The following INO80E variants were observed in gnomAD, a reference collection of about 807,000 sequenced individuals.
The protein encoded by INO80E is coiled-coil domain containing 95.
Under a neutral mutation model 27.3 loss-of-function variants are expected in INO80E, and 20 were observed. The observed-to-expected ratio is 0.73, with a 90% CI of 0.51 to 1.06. The LOEUF (loss-of-function observed/expected upper bound fraction) is 1.06. INO80E is among the 50% of genes least tolerant of loss of function. The pLI, the probability that INO80E is intolerant of heterozygous loss-of-function variation, is 0.00. For synonymous variants in INO80E, 167 were observed against 145.9 expected, an observed-to-expected ratio of 1.14 and a Z score of -1.04; for missense variants, 357 against 322.8, an observed-to-expected ratio of 1.11 and a Z score of -0.81.
intron 3 of INO80E, among the ~76,000 whole-genome samples, chr16:29,997,064 G>T (rs181842632): frequency 6.6e-6 from 1 of 152,314 alleles, no homozygotes; most frequent in Admixed American, 6.5e-5. Flanking sequence ...TTGGCACAGG[G>T]GATACAGCAG....
rs940200059 is a variant in INO80E, at chr16:29,996,286, T to C, written c.-25T>C. ...TGCTTGGGGTAGCGGGAGGGCAGAC[T>C]CTGGGCGCCACTCCCGGGCCGGTCA... On this transcript the variant is annotated 5_prime_UTR_variant, in exon 1 of 7. Coordinates refer to ENST00000563197, the MANE Select transcript of INO80E (RefSeq NM_173618.3). The C allele has an allele frequency of 3.8e-6, 6 of 1,568,108 alleles. No individual in the cohort carries two copies. In the African/African-American group the frequency reaches 6.8e-5, roughly 18 times the overall value.
intron 6 of INO80E, chr16:30,002,070 C>T (rs1368548255): frequency 6.5e-6 from 1 of 152,826 alleles, no homozygotes; most frequent in African/African-American, 2.4e-5. Context: ...GCAAGATAGG[C>T]AGAAAACACA....
chr16:30,001,594 C>A, intron 6 of INO80E, 64 bp downstream of exon 6: 1 of 1,491,390 alleles, frequency 6.7e-7, no homozygotes. Context: ...CTGAGGGAGG[C>A]TGAAGGCGGG....
At chr16:29,997,340 C>T (rs2070167728) in intron 3 of INO80E, among the ~76,000 whole-genome samples, 2 of 152,076 alleles carry the variant, frequency 1.3e-5, no homozygotes, top group Non-Finnish European at 2.9e-5. Context: ...ACCCCATAGG[C>T]AAATACATGA....
intron 3 of INO80E, among the ~76,000 whole-genome samples, chr16:30,000,218 G>A (rs1020630209): frequency 6.6e-6 from 1 of 152,054 alleles, no homozygotes; most frequent in Non-Finnish European, 1.5e-5. Flanking sequence ...CTGGCCATGC[G>A]TGGCAGGTGT....
In INO80E at chr16:30,001,434, C is replaced by T; in HGVS notation, c.417C>T (p.Pro139=). 6.2e-7 allele frequency: 1 copy of T among 1,609,772 alleles called. No individual in the cohort carries two copies. Among genetic ancestry groups the T allele is most frequent in the Non-Finnish European group, 8.5e-7 (1 of 1,177,982 alleles). The change falls in exon 6 of 7, where the codon CCC becomes CCT. Residue 139 remains proline (P), a synonymous_variant. Coordinates refer to ENST00000563197, the MANE Select transcript of INO80E (RefSeq NM_173618.3). ...CGCAGCTGGCCTCCTCCCGCTACCC[C>T]CCATTCCCTTCTGACTACCTGGCCC... ...YLSSLASSRY[P]PFPSDYLALQ...
chr16:30,005,308 A>AGG lies in INO80E; in HGVS notation c.601_602insGG (p.Thr201ArgfsTer15). The AGG allele has an allele frequency of 3.1e-5, 16 of 521,014 alleles. No homozygotes were observed. Among genetic ancestry groups the AGG allele is most frequent in the Non-Finnish European group, 3.9e-5 (13 of 335,432 alleles). The allele number at this position is 521,014 out of a possible 1,614,324, so 32.3% of individuals were successfully genotyped here. On this transcript the variant is annotated frameshift_variant, in exon 7 of 7. Coordinates refer to ENST00000563197, the MANE Select transcript of INO80E (RefSeq NM_173618.3). LOFTEE classifies it high-confidence loss of function. ...TGGGGCTGGGGTCGGGACAACCCTG[A>AGG]CCCCCCTCCCACCCCCTAAGATGCC...
rs1480536336 is a variant in INO80E, at chr16:30,003,048, T to G, written c.513+1518T>G. The stretch of plus-strand genomic sequence containing the variant: ...CTGGCCCTGGTTCTTAGCAGGGGGG[T>G]GGCGGGCAGGGTAGGGGGTGGCGCA... On this transcript the variant is annotated intron_variant, in intron 6 of 6. Coordinates refer to ENST00000563197, the MANE Select transcript of INO80E (RefSeq NM_173618.3). This position sits in a 1 kb window ranked among gnomAD's most constrained non-coding sequence, Gnocchi z 4.4. The G allele has an allele frequency of 9.7e-5, 9 of 92,526 alleles. No homozygotes were observed. Among genetic ancestry groups the G allele is most frequent in the East Asian group, 3.1e-4 (1 of 3,252 alleles). 5.7% of individuals were successfully genotyped at this position (92,526 alleles called of 1,614,324 possible).
At position 29,996,880 on chromosome 16, in the gene INO80E, A is replaced by G; in HGVS notation, c.205+20A>G. ...CTTCGGGTGAGCAAGGTCTTCAAAA[A>G]TTGGTGGAGAGCATGGTTCCTGGTA... On this transcript the variant is annotated intron_variant, in intron 3 of 6. Coordinates refer to ENST00000563197, the MANE Select transcript of INO80E (RefSeq NM_173618.3). The G allele has an allele frequency of 6.2e-7, 1 of 1,612,954 alleles. No homozygotes were observed. The highest frequency in any genetic ancestry group is 1.7e-5 in the Admixed American group (1 of 60,024).
At chr16:30,001,710 T>G in intron 6 of INO80E, 180 bp downstream of exon 6, 1 of 607,156 alleles carries the variant, frequency 1.6e-6, no homozygotes, top group Non-Finnish European at 2.9e-6. Flanking sequence ...TGGAGACAAA[T>G]CAGGGCAGAA....
chr16:30,001,645 G>A, intron 6 of INO80E, 115 bp downstream of exon 6: 1 of 978,030 alleles, frequency 1.0e-6, no homozygotes, highest in Non-Finnish European at 1.5e-6. Context: ...TGGGGACCCA[G>A]TCAGCACTTA....
intron 3 of INO80E, 101 bp downstream of exon 3, chr16:29,996,961 CA>C: frequency 1.8e-6 from 2 of 1,132,292 alleles, no homozygotes; most frequent in Non-Finnish European, 2.7e-6. Context: ...ATGCAGCCCC[CA>C]GTGGTCCTTA....
In INO80E at chr16:29,996,383, C is replaced by T. The variant is rs759913972; in HGVS notation, c.73C>T (p.Leu25Phe). The change falls in exon 1 of 7, where the codon CTC becomes TTC. Residue 25 changes from leucine (L) to phenylalanine (F), a missense_variant. Transcript: ENST00000563197. ...GAATCTGAAGCGGAAGCTCAAGTTC[C>T]TCATCTACGTGAGTGCTGCCGCGGG... ...YRNLKRKLKF[L>F]IYEHECFQEE... 3.1e-6 allele frequency: 5 copies of T among 1,591,118 alleles called. No individual in the cohort carries two copies. The South Asian group carries it at 4.5e-5, about 14-fold the overall frequency.
In INO80E at chr16:30,001,540, C is replaced by T. The variant is rs368314151; in HGVS notation, c.513+10C>T. 127 of 1,609,490 alleles carry T rather than the reference C, an allele frequency of 7.9e-5. No homozygotes were observed. Among genetic ancestry groups the T allele is most frequent in the Non-Finnish European group, 1.0e-4 (122 of 1,177,896 alleles). ...GCCCCGGAAACTCAAGGTACCCTGA[C>T]GTGGGGGTGCTAGGGAGGGGCAGGA... On this transcript the variant is annotated intron_variant, in intron 6 of 6. Transcript: ENST00000563197.
At chr16:30,000,864 G>A (rs1439484240) in intron 4 of INO80E, 28 bp downstream of exon 4, 2 of 1,611,676 alleles carry the variant, frequency 1.2e-6, no homozygotes, top group Non-Finnish European at 1.7e-6. Flanking sequence ...TCCTCTCGCT[G>A]GGGAGGGTCA....
At chr16:29,996,439 C>G (rs1345338375) in intron 1 of INO80E, 48 bp downstream of exon 1, 5 of 1,556,874 alleles carry the variant, frequency 3.2e-6, no homozygotes, top group Non-Finnish European at 2.6e-6. Flanking sequence ...CTGGCGCGGA[C>G]AAGATCTCAG....
intron 5 of INO80E, 120 bp from the exon 6 acceptor site, chr16:30,001,294 C>A (rs936381442): frequency 2.6e-5 from 39 of 1,493,430 alleles, no homozygotes; most frequent in Admixed American, 6.6e-5. Flanking sequence ...TCGGGAGCCC[C>A]GGGAGCCGCA....
At position 30,001,058 on chromosome 16, in the gene INO80E, A is replaced by AT. The variant is rs768238231; in HGVS notation, c.396+19dup. ...TGAGCTCGGTGAGTTGGGGTCAGGG[A>AT]TGGGAAGTGCTTGGGAGTAAGGTGG... On this transcript the variant is annotated intron_variant, in intron 5 of 6. Transcript: ENST00000563197. 1 of 1,533,738 alleles carries AT rather than the reference A, an allele frequency of 6.5e-7. No homozygotes were observed. Among genetic ancestry groups the AT allele is most frequent in the East Asian group, 2.3e-5 (1 of 44,128 alleles).
In INO80E at chr16:30,005,315, T is replaced by G; in HGVS notation, c.608T>G (p.Leu203Arg). 4.0e-5 allele frequency: 12 copies of G among 301,988 alleles called. No homozygotes were observed. Among genetic ancestry groups the G allele is most frequent in the Admixed American group, 1.1e-4 (1 of 9,004 alleles). The allele number at this position is 301,988 out of a possible 1,614,324, so 18.7% of individuals were successfully genotyped here. The change falls in exon 7 of 7, where the codon CTC becomes CGC. Residue 203 changes from leucine (L) to arginine (R), a missense_variant. Leu to Arg is a moderately radical substitution (Grantham distance 102). Transcript: ENST00000563197. ...GAGVGTTLTP[L>R]PPPKMPPPTI... ...GGGGTCGGGACAACCCTGACCCCCC[T>G]CCCACCCCCTAAGATGCCCCCCCCC... is the stretch of plus-strand genomic sequence containing the variant.
Sources: allele counts gnomAD v4.1 joint callset (sites outside exome capture counted in the v4.1 genomes callset), GRCh38; gene constraint gnomAD v4.1.1; non-coding constraint Gnocchi (gnomAD v3.1); transcripts MANE v1.5; gene names NCBI Gene and HGNC (gene_info 2026-07-23, HGNC 2026-07-21).